Variants in CAMKMT observed in about 807,000 individuals in gnomAD.
The protein encoded by CAMKMT is calmodulin-lysine N-methyltransferase.
A neutral mutation model predicts 48.0 loss-of-function variants in CAMKMT; 53 were observed. The ratio of observed to expected loss-of-function variants is 1.10; its 90% CI spans 0.89 to 1.39. The LOEUF (loss-of-function observed/expected upper bound fraction) is 1.39, where lower values mean the gene tolerates loss of function less well. CAMKMT is among the 40% of genes most tolerant of loss of function. CAMKMT has a pLI of 0.00. For missense variants in CAMKMT, 428 were observed against 402.7 expected (o/e 1.06, Z -0.54); for synonymous variants, 165 against 152.3 (o/e 1.08, Z -0.61).
intron 3 of CAMKMT, among the ~76,000 whole-genome samples, chr2:44,533,519 A>T (rs767501605): frequency 6.6e-6 from 1 of 152,216 alleles, no homozygotes; most frequent in African/African-American, 2.4e-5. Flanking sequence ...GATTACAGGC[A>T]TGAGCCACTC....
intron 3 of CAMKMT, among the ~76,000 whole-genome samples, chr2:44,456,416 T>C (rs1217399469): frequency 6.6e-6 from 1 of 152,206 alleles, no homozygotes; most frequent in Non-Finnish European, 1.5e-5. Context: ...GAAGAATATT[T>C]AGGTCTTTTA....
At chr2:44,660,644 T>A (rs1043401943) in intron 3 of CAMKMT, among the ~76,000 whole-genome samples, 1 of 152,200 alleles carries the variant, frequency 6.6e-6, no homozygotes, top group African/African-American at 2.4e-5. Context: ...TGAGACAGGG[T>A]CTCACGCTGA....
chr2:44,552,671 A>G (rs1667786118), intron 3 of CAMKMT, among the ~76,000 whole-genome samples: 1 of 152,194 alleles, frequency 6.6e-6, no homozygotes, highest in Non-Finnish European at 1.5e-5. Flanking sequence ...TGTTCTGCTA[A>G]TATTATTTCC....
chr2:44,701,299 A>G (rs1677245561), intron 3 of CAMKMT, among the ~76,000 whole-genome samples: 2 of 152,248 alleles, frequency 1.3e-5, no homozygotes, highest in African/African-American at 4.8e-5. Flanking sequence ...AACATTCGTT[A>G]TAACCTGACT....
chr2:44,576,952 A>G (rs910541018), intron 3 of CAMKMT, among the ~76,000 whole-genome samples: 1 of 152,212 alleles, frequency 6.6e-6, no homozygotes, highest in African/African-American at 2.4e-5. Context: ...AACTGTTTTC[A>G]AGGAGCTCAT....
chr2:44,655,017 CTTAT>C (rs994546041), intron 3 of CAMKMT, among the ~76,000 whole-genome samples: 3 of 152,052 alleles, frequency 2.0e-5, no homozygotes, highest in Admixed American at 6.5e-5. Context: ...GATGAACTTT[CTTAT>C]TTATATATCT....
intron 3 of CAMKMT, among the ~76,000 whole-genome samples, chr2:44,490,370 G>T (rs1198519913): frequency 6.6e-6 from 1 of 152,024 alleles, no homozygotes; most frequent in African/African-American, 2.4e-5. Flanking sequence ...CCGCCTCCCG[G>T]GTTCAAGTGA....
chr2:44,738,591 A>G (rs1573204973), intron 7 of CAMKMT, among the ~76,000 whole-genome samples: 1 of 152,224 alleles, frequency 6.6e-6, no homozygotes, highest in East Asian at 1.9e-4. Context: ...TTGAACAGCT[A>G]TTAGGTGCTA....
chr2:44,511,941 AC>A (rs1474894165), intron 3 of CAMKMT, among the ~76,000 whole-genome samples: 1 of 152,200 alleles, frequency 6.6e-6, no homozygotes, highest in Non-Finnish European at 1.5e-5. Context: ...CTTTGTGCTT[AC>A]CTAGGCTGTC....
At chr2:44,519,673 C>T (rs1671001900) in intron 3 of CAMKMT, among the ~76,000 whole-genome samples, 1 of 152,162 alleles carries the variant, frequency 6.6e-6, no homozygotes, top group East Asian at 1.9e-4. Context: ...AAAAGTGTGA[C>T]TTAGGACACA....
intron 3 of CAMKMT, among the ~76,000 whole-genome samples, chr2:44,604,109 A>C (rs1671150232): frequency 6.6e-6 from 1 of 152,226 alleles, no homozygotes; most frequent in Admixed American, 6.5e-5. Context: ...CTCTGAGTTA[A>C]AGTCCTCTAG....
At chr2:44,488,393 A>G (rs913831951) in intron 3 of CAMKMT, among the ~76,000 whole-genome samples, 1 of 152,196 alleles carries the variant, frequency 6.6e-6, no homozygotes, top group Non-Finnish European at 1.5e-5. Flanking sequence ...AATCCCAGCT[A>G]TTTGGGAGGC....
At chr2:44,420,723 A>C (rs560586546) in intron 3 of CAMKMT, among the ~76,000 whole-genome samples, 1 of 152,164 alleles carries the variant, frequency 6.6e-6, no homozygotes, top group South Asian at 2.1e-4. Context: ...AAATAATTTA[A>C]TTATATTTTT....
intron 3 of CAMKMT, among the ~76,000 whole-genome samples, chr2:44,633,399 T>A (rs1223837351): frequency 6.6e-6 from 1 of 152,204 alleles, no homozygotes; most frequent in Non-Finnish European, 1.5e-5. Context: ...GCATCAATTA[T>A]GTATATGTTA....
chr2:44,576,344 A>AG (rs1391053410), intron 3 of CAMKMT, among the ~76,000 whole-genome samples: 4 of 151,520 alleles, frequency 2.6e-5, no homozygotes, highest in African/African-American at 9.7e-5. Context: ...AAAAAAAAAA[A>AG]AAGAAAAGAA....
chr2:44,517,754 G>T (rs1670906800), intron 3 of CAMKMT, among the ~76,000 whole-genome samples: 1 of 152,174 alleles, frequency 6.6e-6, no homozygotes, highest in African/African-American at 2.4e-5. Context: ...GCTACTGTGT[G>T]AGAGCAATTT....
intron 3 of CAMKMT, among the ~76,000 whole-genome samples, chr2:44,489,360 C>T (rs1360827757): frequency 6.6e-6 from 1 of 151,336 alleles, no homozygotes; most frequent in Non-Finnish European, 1.5e-5. Context: ...ATTCTCCTGC[C>T]TAAGCCTCTT....
intron 3 of CAMKMT, among the ~76,000 whole-genome samples, chr2:44,613,865 G>C (rs192740098): frequency 6.6e-6 from 1 of 152,148 alleles, no homozygotes; most frequent in Admixed American, 6.5e-5. Flanking sequence ...TGGTTTTCAC[G>C]TCCGTCTCTA....
chr2:44,563,861 A>G (rs1668464639), intron 3 of CAMKMT, among the ~76,000 whole-genome samples: 1 of 152,102 alleles, frequency 6.6e-6, no homozygotes. Flanking sequence ...ACATTTTCTT[A>G]ATCCAGTCTG....
Sources: gnomAD v4.1 joint callset for allele counts (sites outside exome capture counted in the v4.1 genomes callset) on GRCh38, gnomAD v4.1.1 for gene constraint, MANE v1.5 for transcripts, NCBI Gene and HGNC (gene_info 2026-07-23, HGNC 2026-07-21) for gene names.